TLL1: variants seen among roughly 807,000 people sequenced by gnomAD.
TLL1 encodes tolloid like 1.
In TLL1, 49 loss-of-function variants were observed where a neutral mutation model predicts 128.2. That is an observed-to-expected ratio of 0.38 (90% CI 0.30 to 0.48). TLL1 has a LOEUF of 0.48. TLL1 is among the 20% of genes least tolerant of loss of function. The pLI is 0.96. For synonymous variants in TLL1, 454 were observed against 418.8 expected (o/e 1.08, Z -1.03); for missense variants, 1,123 against 1,242.0 (o/e 0.90, Z 1.44).
intron 12 of TLL1, chr4:166,044,462 C>T (rs2111096182): frequency 6.6e-7 from 1 of 1,519,872 alleles, no homozygotes; most frequent in South Asian, 1.2e-5. Context: ...GTACTTGTCT[C>T]TGTCCCCTTG....
chr4:165,910,852 G>A (rs768154924), intron 1 of TLL1, among the ~76,000 whole-genome samples: 18 of 152,146 alleles, frequency 1.2e-4, no homozygotes, highest in Non-Finnish European at 1.9e-4. Context: ...TTATATAGCT[G>A]CCAAGTGATG....
intron 18 of TLL1, 45 bp from the exon 19 acceptor site, chr4:166,091,083 T>G (rs1362575675): frequency 7.0e-7 from 1 of 1,423,658 alleles, no homozygotes; most frequent in Non-Finnish European, 9.4e-7. Context: ...TCATTTTGAG[T>G]GATTTGTTTT....
At position 165,873,874 on chromosome 4, in the gene TLL1, C is replaced by G. The variant is rs373965430; in HGVS notation, c.-31C>G. On this transcript the variant is annotated 5_prime_UTR_variant, in exon 1 of 21. Coordinates refer to ENST00000061240, the MANE Select transcript of TLL1 (RefSeq NM_012464.5). ...ACCGCGGCTGCCTAACCTCTGGGTC[C>G]CGTCCCCTCCTTTTCCTCCGGGGGA... is the stretch of plus-strand genomic sequence containing the variant. 3.3e-5 allele frequency: 53 copies of G among 1,612,478 alleles called. No homozygotes were observed. The highest frequency in any genetic ancestry group is 2.4e-4 in the African/African-American group (18 of 74,894).
chr4:165,886,059 G>A (rs1219570575), intron 1 of TLL1, among the ~76,000 whole-genome samples: 1 of 151,432 alleles, frequency 6.6e-6, no homozygotes, highest in East Asian at 1.9e-4. Context: ...TTTTTTTGAT[G>A]AGTTTAAATT....
At chr4:166,076,559 T>A (rs1741037927) in intron 17 of TLL1, among the ~76,000 whole-genome samples, 1 of 152,228 alleles carries the variant, frequency 6.6e-6, no homozygotes. Context: ...AAACTTGTCC[T>A]ATTGCCAGGA....
Position 165,930,692 on chromosome 4 carries a change from C to T in TLL1, c.169+56619C>T, listed in dbSNP as rs547934030. ...AATTTCTGCAATTGAGATCAGTTCTCTCAGGGTCATTATTCACCTAGACAA... is the reference window on the plus strand; with the variant it reads ...AATTTCTGCAATTGAGATCAGTTCTTTCAGGGTCATTATTCACCTAGACAA... On this transcript the variant is annotated intron_variant, in intron 1 of 20. Transcript: ENST00000061240. Among the ~76,000 whole-genome samples, 35 of 152,316 alleles carry T rather than the reference C, an allele frequency of 2.3e-4. 1 individual carries two copies. The South Asian group carries it at 7.2e-3, about 32-fold the overall frequency.
intron 16 of TLL1, among the ~76,000 whole-genome samples, chr4:166,067,059 ATAAT>A (rs1740606499): frequency 6.6e-6 from 1 of 151,772 alleles, no homozygotes; most frequent in Non-Finnish European, 1.5e-5. Flanking sequence ...TTTTGTCATA[ATAAT>A]TAAAGTTACT....
In TLL1 at chr4:165,966,668, A is replaced by G. The variant is rs963061567; in HGVS notation, c.170-22713A>G. 2.0e-5 allele frequency among the ~76,000 whole-genome samples: 3 copies of G among 152,254 alleles called. No individual in the cohort carries two copies. In the South Asian group the frequency reaches 6.2e-4, roughly 32 times the overall value. ...ACATCACATGTCGGCAGGTTCCGTG[A>G]CGTCCCTTGAGCTGCAAAACCAGCA... On this transcript the variant is annotated intron_variant, in intron 1 of 20. Transcript: ENST00000061240.
At chr4:165,963,463 T>C (rs887021331) in intron 1 of TLL1, among the ~76,000 whole-genome samples, 1 of 151,770 alleles carries the variant, frequency 6.6e-6, no homozygotes, top group Non-Finnish European at 1.5e-5. Context: ...TTCAGTACTT[T>C]ATGCTTTTCA....
At chr4:165,924,547 CAGA>C (rs1365538254) in intron 1 of TLL1, among the ~76,000 whole-genome samples, 1 of 152,168 alleles carries the variant, frequency 6.6e-6, no homozygotes, top group Non-Finnish European at 1.5e-5. Context: ...GAGGTTAGCT[CAGA>C]AGGATTAAGG....
At chr4:165,889,141 C>T (rs1004323930) in intron 1 of TLL1, among the ~76,000 whole-genome samples, 5 of 152,176 alleles carry the variant, frequency 3.3e-5, no homozygotes, top group African/African-American at 1.2e-4. Flanking sequence ...GTGACAGAAA[C>T]AGCAGTCATT....
intron 19 of TLL1, among the ~76,000 whole-genome samples, chr4:166,091,668 T>A (rs1741786525): frequency 6.6e-6 from 1 of 152,116 alleles, no homozygotes; most frequent in East Asian, 1.9e-4. Flanking sequence ...TTGATTTACA[T>A]GTTATATTTA....
intron 1 of TLL1, among the ~76,000 whole-genome samples, chr4:165,934,711 G>A (rs1320658070): frequency 6.6e-6 from 1 of 152,120 alleles, no homozygotes; most frequent in Non-Finnish European, 1.5e-5. Flanking sequence ...AGACTCCCTG[G>A]ATCACCTGTA....
At position 165,895,020 on chromosome 4, in the gene TLL1, A is replaced by T. The variant is rs148948627; in HGVS notation, c.169+20947A>T. Among the ~76,000 whole-genome samples, 363 of 152,288 alleles carry T rather than the reference A, an allele frequency of 2.4e-3. 2 individuals carry two copies. The East Asian group carries it at 0.043, about 18-fold the overall frequency. Reference sequence around the variant, plus strand: ...ATTCAGTATAACTTACCACATTTACATGTTTTATATGTAATCTATTAATGA... The same window carrying T: ...ATTCAGTATAACTTACCACATTTACTTGTTTTATATGTAATCTATTAATGA... On this transcript the variant is annotated intron_variant, in intron 1 of 20. Transcript: ENST00000061240.
chr4:165,932,746 C>T (rs1733588713), intron 1 of TLL1, among the ~76,000 whole-genome samples: 1 of 151,516 alleles, frequency 6.6e-6, no homozygotes, highest in Admixed American at 6.6e-5. Context: ...AGTTGCATTC[C>T]TTGTTTGCTT....
chr4:165,992,969 T>TCATAG, intron 3 of TLL1, 85 bp downstream of exon 3: 1 of 1,125,254 alleles, frequency 8.9e-7, no homozygotes. Flanking sequence ...TTAAAATCAG[T>TCATAG]GTGCCATTAT....
chr4:166,037,712 G>A (rs1190176301), intron 9 of TLL1, among the ~76,000 whole-genome samples: 1 of 151,908 alleles, frequency 6.6e-6, no homozygotes, highest in African/African-American at 2.4e-5. Flanking sequence ...GGAGGCTGAG[G>A]GATGAGAATC....
At position 166,078,032 on chromosome 4, in the gene TLL1, T is replaced by C. The variant is rs751864119; in HGVS notation, c.2442+2T>C. 6.2e-7 allele frequency: 1 copy of C among 1,613,494 alleles called. No homozygotes were observed. ...ACTCCTGGCCACCGAATCAAATTAG[T>C]AAGTGAGCACATCCTTTTTCTTTCC... On this transcript the variant is annotated splice_donor_variant, in intron 18 of 20. Coordinates refer to ENST00000061240, the MANE Select transcript of TLL1 (RefSeq NM_012464.5). LOFTEE classifies it high-confidence loss of function.
At chr4:166,070,845 A>G (rs911509980) in intron 16 of TLL1, among the ~76,000 whole-genome samples, 2 of 151,920 alleles carry the variant, frequency 1.3e-5, no homozygotes, top group African/African-American at 2.4e-5. Context: ...ATGAAATTCG[A>G]CATGATATTA....
Sources: gnomAD v4.1 joint callset for allele counts (sites outside exome capture counted in the v4.1 genomes callset) on GRCh38, gnomAD v4.1.1 for gene constraint, MANE v1.5 for transcripts, NCBI Gene and HGNC (gene_info 2026-07-23, HGNC 2026-07-21) for gene names.